The following MYO3A variants were observed in gnomAD, a reference collection of about 807,000 sequenced individuals.
MYO3A encodes the protein myosin IIIA.
MYO3A carries 180 observed loss-of-function variants against 192.7 expected under a neutral mutation model. That is an observed-to-expected ratio of 0.93 (90% CI 0.83 to 1.06). MYO3A has a LOEUF of 1.06. MYO3A is among the 50% of genes least tolerant of loss of function. The pLI is 0.00. For missense variants in MYO3A, 1,896 were observed against 1,905.0 expected, an observed-to-expected ratio of 1.00 and a Z score of 0.09; for synonymous variants, 628 against 645.3, an observed-to-expected ratio of 0.97 and a Z score of 0.41.
intron 18 of MYO3A, among the ~76,000 whole-genome samples, chr10:26,122,403 T>G (rs1369892549): frequency 6.6e-6 from 1 of 152,228 alleles, no homozygotes; most frequent in Non-Finnish European, 1.5e-5. Context: ...TAAGGAATTA[T>G]GTCCAAACCA....
At chr10:25,994,827 G>A (rs1337088874) in intron 4 of MYO3A, among the ~76,000 whole-genome samples, 1 of 152,180 alleles carries the variant, frequency 6.6e-6, no homozygotes, top group Non-Finnish European at 1.5e-5. Context: ...TAAGAATGTT[G>A]AATATTGGCC....
intron 10 of MYO3A, among the ~76,000 whole-genome samples, chr10:26,049,253 A>T (rs1005405646): frequency 6.6e-6 from 1 of 152,196 alleles, no homozygotes; most frequent in Non-Finnish European, 1.5e-5. Context: ...AATGCACCTC[A>T]GTCTAATCAT....
At chr10:26,116,301 G>T (rs1214415899) in intron 17 of MYO3A, among the ~76,000 whole-genome samples, 1 of 152,130 alleles carries the variant, frequency 6.6e-6, no homozygotes, top group East Asian at 1.9e-4. Context: ...GTAATGATTG[G>T]TATTCTTGTA....
intron 34 of MYO3A, 119 bp from the exon 35 acceptor site, chr10:26,211,724 C>G: frequency 2.8e-6 from 4 of 1,447,278 alleles, no homozygotes; most frequent in African/African-American, 1.4e-5. Context: ...TTGTGCCTTT[C>G]CTAAATGTCC....
chr10:26,068,264 T>C (rs1182521365), intron 11 of MYO3A, among the ~76,000 whole-genome samples: 3 of 152,168 alleles, frequency 2.0e-5, no homozygotes, highest in African/African-American at 7.2e-5. Context: ...TCAAAATCAA[T>C]TCATTTACTC....
intron 2 of MYO3A, among the ~76,000 whole-genome samples, chr10:25,943,529 A>T (rs1836639088): frequency 6.6e-6 from 1 of 152,048 alleles, no homozygotes; most frequent in Non-Finnish European, 1.5e-5. Context: ...CTTTCCATTT[A>T]TTTGTGTGTT....
chr10:26,151,697 T>G (rs1333544018), intron 23 of MYO3A, among the ~76,000 whole-genome samples: 1 of 152,230 alleles, frequency 6.6e-6, no homozygotes, highest in Non-Finnish European at 1.5e-5. Flanking sequence ...TGGATTTGAC[T>G]CTTATCATCT....
chr10:26,145,450 A>T lies in MYO3A; in HGVS notation c.2421A>T (p.Lys807Asn), dbSNP rs1361013422. The T allele has an allele frequency of 1.1e-5, 17 of 1,597,040 alleles. No homozygotes were observed. The highest frequency in any genetic ancestry group is 1.5e-5 in the Non-Finnish European group (17 of 1,164,556). The change falls in exon 22 of 35, where the codon AAA becomes AAT. Residue 807 changes from lysine (K) to asparagine (N), a missense_variant. By Grantham distance (94) the Lys-to-Asn change is moderately conservative. Transcript: ENST00000642920. ...GAGTTCAGTATTTTTCTACAGAAAA[A>T]TTTGAAGGTAACCTGAAATCACAAT... The part of the protein sequence containing the change: ...PKATDQTLVE[K>N]FEGNLKSQYF...
At chr10:26,045,070 T>C (rs1370373538) in intron 10 of MYO3A, among the ~76,000 whole-genome samples, 10 of 152,128 alleles carry the variant, frequency 6.6e-5, no homozygotes, top group Admixed American at 6.5e-5. Flanking sequence ...ATGCTGAGCC[T>C]GGCCAGCAAG....
chr10:26,000,476 T>C (rs1408592384), intron 6 of MYO3A, among the ~76,000 whole-genome samples: 1 of 152,194 alleles, frequency 6.6e-6, no homozygotes, highest in South Asian at 2.1e-4. Context: ...TAACATTCAG[T>C]TTTTAGCATT....
At chr10:26,147,733 A>C (rs1840558314) in intron 23 of MYO3A, among the ~76,000 whole-genome samples, 174 bp downstream of exon 23, 1 of 152,222 alleles carries the variant, frequency 6.6e-6, no homozygotes, top group Non-Finnish European at 1.5e-5. Flanking sequence ...TATAAAAATG[A>C]ATATAAATAA....
At chr10:26,070,856 G>GTA (rs1835162480) in intron 14 of MYO3A, among the ~76,000 whole-genome samples, 2 of 151,432 alleles carry the variant, frequency 1.3e-5, no homozygotes, top group Non-Finnish European at 3.0e-5. Flanking sequence ...TATTATATGT[G>GTA]CAAGATTTGT....
intron 14 of MYO3A, among the ~76,000 whole-genome samples, chr10:26,081,763 G>T (rs985348033): frequency 6.6e-6 from 1 of 152,162 alleles, no homozygotes; most frequent in African/African-American, 2.4e-5. Context: ...CCTATATTGT[G>T]CTTGGCTCTC....
In MYO3A at chr10:26,014,759, T is replaced by A. The variant is rs1456708528; in HGVS notation, c.509-2061T>A. Among the ~76,000 whole-genome samples the A allele has an allele frequency of 2.6e-5, 4 of 152,160 alleles. No homozygotes were observed. In the East Asian group the frequency reaches 7.7e-4, roughly 29 times the overall value. On this transcript the variant is annotated intron_variant, in intron 6 of 34. Coordinates refer to ENST00000642920, the MANE Select transcript of MYO3A (RefSeq NM_017433.5). ...ACCCCTTTATGTTGACAAAATTCTA[T>A]ATTTTTATAGTTTCAGTTCTCATTC...
At chr10:26,037,805 G>T (rs908442655) in intron 10 of MYO3A, among the ~76,000 whole-genome samples, 1 of 147,360 alleles carries the variant, frequency 6.8e-6, no homozygotes, top group South Asian at 2.1e-4. Context: ...TTCACATGGC[G>T]TCAGGAGTGA....
In MYO3A at chr10:26,014,281, AAAAT is replaced by A. The variant is rs979016939; in HGVS notation, c.509-2531_509-2528del. 4.9e-3 allele frequency among the ~76,000 whole-genome samples: 749 copies of A among 152,232 alleles called. 6 individuals are homozygous for A. The highest frequency in any genetic ancestry group is 0.017 in the African/African-American group (704 of 41,560). On this transcript the variant is annotated intron_variant, in intron 6 of 34. Transcript: ENST00000642920. Reference sequence around the variant, plus strand: ...GTACATCAAAAGTTATTGAAATAAAAAAATAAATAAAAACTATTTTAAGCGAAGA... The same window carrying A: ...GTACATCAAAAGTTATTGAAATAAAAAAATAAAAACTATTTTAAGCGAAGA...
Position 26,125,379 on chromosome 10 carries a change from G to A in MYO3A, c.1904-19G>A. ...CATTGCCATAATTTCTTCTAACAAT[G>A]CATCTGTTTGTTTTTCAGGTGCTTC... On this transcript the variant is annotated intron_variant, in intron 18 of 34. Coordinates refer to ENST00000642920, the MANE Select transcript of MYO3A (RefSeq NM_017433.5). 6.2e-7 allele frequency: 1 copy of A among 1,612,688 alleles called. No individual in the cohort carries two copies. The highest frequency in any genetic ancestry group is 8.5e-7 in the Non-Finnish European group (1 of 1,178,950).
chr10:26,130,594 G>A (rs1293306802), intron 20 of MYO3A, among the ~76,000 whole-genome samples: 3 of 152,158 alleles, frequency 2.0e-5, no homozygotes, highest in Non-Finnish European at 4.4e-5. Context: ...TAGAATCCAG[G>A]ATTATACAAA....
At chr10:26,200,168 A>G (rs1240170705) in intron 32 of MYO3A, among the ~76,000 whole-genome samples, 1 of 152,244 alleles carries the variant, frequency 6.6e-6, no homozygotes, top group East Asian at 1.9e-4. Context: ...ACTCACTTCC[A>G]CCTCATCCAC....
Sources: allele counts gnomAD v4.1 joint callset (sites outside exome capture counted in the v4.1 genomes callset), GRCh38; gene constraint gnomAD v4.1.1; transcripts MANE v1.5; gene names NCBI Gene and HGNC (gene_info 2026-07-23, HGNC 2026-07-21).